The following LRBA variants were observed in gnomAD, a reference collection of about 807,000 sequenced individuals.
LRBA encodes LPS responsive beige-like anchor protein, also known as lipopolysaccharide-responsive and beige-like anchor protein.
LRBA carries 176 observed loss-of-function variants against 330.0 expected under a neutral mutation model. The ratio of observed to expected loss-of-function variants is 0.53; its 90% CI spans 0.47 to 0.60. LRBA has a LOEUF of 0.60. LRBA is among the 20% of genes least tolerant of loss of function. The pLI, the probability that LRBA is intolerant of heterozygous loss-of-function variation, is 0.00. For missense variants in LRBA, 3,259 were observed against 3,444.8 expected, an observed-to-expected ratio of 0.95 and a Z score of 1.35; for synonymous variants, 1,230 against 1,193.0, an observed-to-expected ratio of 1.03 and a Z score of -0.64.
intron 51 of LRBA, 177 bp from the exon 52 acceptor site, chr4:150,310,561 A>C: frequency 4.0e-6 from 2 of 500,882 alleles, no homozygotes; most frequent in South Asian, 7.4e-5. Context: ...GTGGGTAGCT[A>C]AATTCAATAT....
intron 28 of LRBA, among the ~76,000 whole-genome samples, chr4:150,838,905 C>T (rs1481571555): frequency 1.3e-5 from 2 of 152,006 alleles, no homozygotes; most frequent in Non-Finnish European, 2.9e-5. Context: ...TCTATTTAAA[C>T]TGAAGAGCTT....
chr4:150,594,576 C>T (rs565370830), intron 38 of LRBA, among the ~76,000 whole-genome samples: 11 of 152,098 alleles, frequency 7.2e-5, no homozygotes, highest in African/African-American at 2.6e-4. Flanking sequence ...AACATGATTG[C>T]TGTTTAAATT....
chr4:150,889,345 C>A (rs1427845158), intron 17 of LRBA, among the ~76,000 whole-genome samples: 1 of 151,514 alleles, frequency 6.6e-6, no homozygotes, highest in Non-Finnish European at 1.5e-5. Flanking sequence ...TTAATCTCAT[C>A]AAAAAAACAC....
At chr4:150,876,099 T>G (rs1754002182) in intron 17 of LRBA, among the ~76,000 whole-genome samples, 2 of 152,330 alleles carry the variant, frequency 1.3e-5, no homozygotes, top group African/African-American at 4.8e-5. Flanking sequence ...GAAAGTTTTA[T>G]CAGCAGACTG....
Position 150,277,671 on chromosome 4 carries a change from T to A in LRBA, c.8468+182A>T, listed in dbSNP as rs1870515. 0.56 allele frequency among the ~76,000 whole-genome samples: 83,411 copies of A among 149,490 alleles called. 23,422 individuals are homozygous for A. Among genetic ancestry groups the A allele is most frequent in the South Asian group, 0.6 (2,808 of 4,716 alleles). On this transcript the variant is annotated intron_variant, in intron 56 of 56. Coordinates refer to ENST00000651943, the MANE Select transcript of LRBA (RefSeq NM_001364905.1). ...TTACTATACAATTTTGAAAAAAAAA[T>A]TTTTTTTTTCTGTAGAGACAGGGTC...
rs112270775 is a variant in LRBA, at chr4:150,269,762, A to C, written c.8469-3950T>G. 5.1e-3 allele frequency among the ~76,000 whole-genome samples: 777 copies of C among 152,264 alleles called. 7 individuals are homozygous for C. Among genetic ancestry groups the C allele is most frequent in the African/African-American group, 0.018 (745 of 41,542 alleles). ...CCAGGAGTTTAAGACCAGCCTGGGC[A>C]ACATAGTGAGACCCTGTCTCTACAG... On this transcript the variant is annotated intron_variant, in intron 56 of 56. Transcript: ENST00000651943.
chr4:150,829,483 G>C (rs1194255059), intron 29 of LRBA, among the ~76,000 whole-genome samples: 7 of 152,162 alleles, frequency 4.6e-5, no homozygotes, highest in Admixed American at 4.6e-4. Flanking sequence ...CCAATGGTCA[G>C]TGTTCAGTCC....
chr4:150,594,204 T>C (rs1658432601), intron 38 of LRBA, among the ~76,000 whole-genome samples: 2 of 151,998 alleles, frequency 1.3e-5, no homozygotes, highest in African/African-American at 4.8e-5. Flanking sequence ...TAACTCCCCC[T>C]TGAGGATTTT....
chr4:150,565,126 A>T (rs1229568829), intron 40 of LRBA, among the ~76,000 whole-genome samples: 1 of 152,168 alleles, frequency 6.6e-6, no homozygotes, highest in East Asian at 1.9e-4. Context: ...TCAATGACAG[A>T]CTAGATGAAG....
At chr4:150,815,386 A>G (rs1455363826) in intron 31 of LRBA, among the ~76,000 whole-genome samples, 1 of 151,056 alleles carries the variant, frequency 6.6e-6, no homozygotes, top group Middle Eastern at 3.5e-3. Flanking sequence ...AGTATAATGG[A>G]ACAATAAAGA....
At position 150,302,806 on chromosome 4, in the gene LRBA, C is replaced by A; in HGVS notation, c.7850-14G>T. The A allele has an allele frequency of 1.3e-6, 2 of 1,543,506 alleles. No homozygotes were observed. Among genetic ancestry groups the A allele is most frequent in the South Asian group, 1.3e-5 (1 of 78,116 alleles). ...GGATCAATCTTCCTGTAATGCAAAA[C>A]AATTTTCTTTAAAAATGCTATTAAA... On this transcript the variant is annotated splice_polypyrimidine_tract_variant and intron_variant, in intron 52 of 56. Coordinates refer to ENST00000651943, the MANE Select transcript of LRBA (RefSeq NM_001364905.1).
At chr4:150,504,642 C>T (rs1003763473) in intron 40 of LRBA, among the ~76,000 whole-genome samples, 1 of 152,134 alleles carries the variant, frequency 6.6e-6, no homozygotes, top group Non-Finnish European at 1.5e-5. Context: ...CAAAAACATG[C>T]CAAATTGTAA....
intron 40 of LRBA, among the ~76,000 whole-genome samples, chr4:150,576,056 A>AT (rs1770499019): frequency 1.3e-5 from 2 of 151,962 alleles, no homozygotes; most frequent in South Asian, 4.1e-4. Flanking sequence ...GCTCTACCAA[A>AT]TATACCCTTT....
At chr4:150,904,615 CT>C (rs1731114432) in intron 13 of LRBA, among the ~76,000 whole-genome samples, 1 of 151,354 alleles carries the variant, frequency 6.6e-6, no homozygotes, top group Non-Finnish European at 1.5e-5. Flanking sequence ...TACAAATATG[CT>C]GATTAGTAAG....
At chr4:150,547,832 C>T (rs1766037465) in intron 40 of LRBA, among the ~76,000 whole-genome samples, 1 of 152,130 alleles carries the variant, frequency 6.6e-6, no homozygotes, top group Non-Finnish European at 1.5e-5. Context: ...AAACAGGTAA[C>T]TTTCCAAATA....
At chr4:150,623,989 C>A (rs1466599936) in intron 37 of LRBA, among the ~76,000 whole-genome samples, 1 of 152,144 alleles carries the variant, frequency 6.6e-6, no homozygotes, top group Non-Finnish European at 1.5e-5. Context: ...GATAACTGAA[C>A]TACCCTCTAC....
intron 36 of LRBA, among the ~76,000 whole-genome samples, chr4:150,708,875 C>G (rs1229852289): frequency 6.6e-6 from 1 of 151,710 alleles, no homozygotes; most frequent in East Asian, 1.9e-4. Context: ...GAACAAAAAA[C>G]AATCCAAATT....
rs558040931 is a variant in LRBA at position 150,632,042 on chromosome 4, C to T, written c.5922-32911G>A. ...GGTCGGGAGTGTGAAACCAGCCTGG[C>T]CAACATGTTGAAACCCCTTCTCTAC... On this transcript the variant is annotated intron_variant, in intron 37 of 56. Transcript: ENST00000651943. Among the ~76,000 whole-genome samples, 4 of 152,170 alleles carry T rather than the reference C, an allele frequency of 2.6e-5. No homozygotes were observed. The East Asian group carries it at 7.7e-4, about 29-fold the overall frequency.
intron 40 of LRBA, among the ~76,000 whole-genome samples, chr4:150,507,557 C>T (rs550593994): frequency 1.3e-5 from 2 of 152,144 alleles, no homozygotes; most frequent in African/African-American, 4.8e-5. Context: ...CCCTTCCTTA[C>T]ACCTTATACA....
Sources: allele counts gnomAD v4.1 joint callset (sites outside exome capture counted in the v4.1 genomes callset), GRCh38; gene constraint gnomAD v4.1.1; transcripts MANE v1.5; gene names NCBI Gene and HGNC (gene_info 2026-07-23, HGNC 2026-07-21).